The following LCMT2 variants were observed in gnomAD, a reference collection of about 807,000 sequenced individuals.
The protein encoded by LCMT2 is leucine carboxyl methyltransferase 2.
LCMT2 carries 34 observed loss-of-function variants against 42.0 expected under a neutral mutation model. The ratio of observed to expected loss-of-function variants is 0.81; its 90% confidence interval spans 0.62 to 1.08. The LOEUF (loss-of-function observed/expected upper bound fraction) is 1.08, where lower values mean the gene tolerates loss of function less well. Among genes scored for constraint, LCMT2 ranks in the 50% least tolerant of loss-of-function variants. The pLI, the probability that LCMT2 is intolerant of heterozygous loss-of-function variation, is 0.00. For missense variants in LCMT2, 1,091 were observed against 889.4 expected (o/e 1.23, Z -2.88); for synonymous variants, 445 against 369.5 (o/e 1.20, Z -2.34).
Position 43,330,253 on chromosome 15 carries a change from G to A in LCMT2, c.237C>T (p.Ala79=), listed in dbSNP as rs1236357163. The A allele has an allele frequency of 1.9e-6, 3 of 1,603,994 alleles. No individual in the cohort carries two copies. Among genetic ancestry groups the A allele is most frequent in the South Asian group, 2.2e-5 (2 of 90,422 alleles). The change falls in exon 1 of 1, where the codon GCC becomes GCT. Residue 79 remains alanine, a synonymous_variant. Coordinates refer to ENST00000305641, the MANE Select transcript of LCMT2 (RefSeq NM_014793.5). ...AFLEQIGAPQ[A]ALRAQILSLG... ...GAGACAAGATCTGCGCGCGAAGCGCGGCCTGGGGCGCGCCAATCTGCTCCA... is the reference window on the plus strand; with the variant it reads ...GAGACAAGATCTGCGCGCGAAGCGCAGCCTGGGGCGCGCCAATCTGCTCCA...
In LCMT2 at chr15:43,328,967, A is replaced by G; in HGVS notation, c.1523T>C (p.Leu508Pro). 1.9e-6 allele frequency: 3 copies of G among 1,613,276 alleles called. No individual in the cohort carries two copies. Among genetic ancestry groups the G allele is most frequent in the Non-Finnish European group, 2.5e-6 (3 of 1,179,192 alleles). The change falls in exon 1 of 1, where the codon CTA becomes CCA. Residue 508 changes from leucine to proline, a missense_variant. Leu to Pro is a moderately conservative substitution (Grantham distance 98). Coordinates refer to ENST00000305641, the MANE Select transcript of LCMT2 (RefSeq NM_014793.5). ...TACATGGAGGAAATGCCAGTCACTT[A>G]GTACAGGTTCCACCACGCTTCGACC... Reference protein sequence around the residue: ...YGGRSVVEPVLSDWHFLHVGT... With the variant: ...YGGRSVVEPVPSDWHFLHVGT...
Position 43,329,793 on chromosome 15 carries a change from G to A in LCMT2, c.697C>T (p.Gln233Ter). 2 of 1,613,898 alleles carry A rather than the reference G, an allele frequency of 1.2e-6. No individual in the cohort carries two copies. Among genetic ancestry groups the A allele is most frequent in the East Asian group, 2.2e-5 (1 of 44,878 alleles). ...PQDAFGQFMLQHFRQLNSPLH... is the reference protein window; with the variant it reads ...PQDAFGQFML ...GGGGAGTTTAGCTGCCGAAAATGTT[G>A]CAGCATGAACTGGCCAAAGGCGTCT... The change falls in exon 1 of 1, where the codon CAA becomes TAA. Residue 233 changes from glutamine (Q) to a stop codon, truncating the protein, a stop_gained. Coordinates refer to ENST00000305641, the MANE Select transcript of LCMT2 (RefSeq NM_014793.5). LOFTEE classifies it high-confidence loss of function.
rs1045189749 is a variant in LCMT2 at position 43,329,889 on chromosome 15, C to A, written c.601G>T (p.Ala201Ser). ...CGCTGGGCTGCCCAGGCGATGAGGG[C>A]CGCGGCACTCTCCGGCTCGAGGTAG... The part of the protein sequence containing the change: ...LTYLEPESAA[A>S]LIAWAAQRFP... Residue 201 changes from alanine (A) to serine (S), a missense_variant, in exon 1 of 1, where the codon GCC becomes TCC. Transcript: ENST00000305641. 6.2e-7 allele frequency: 1 copy of A among 1,613,302 alleles called. No homozygotes were observed. The highest frequency in any genetic ancestry group is 8.5e-7 in the Non-Finnish European group (1 of 1,179,874).
chr15:43,329,763 G>C lies in LCMT2; in HGVS notation c.727C>G (p.His243Asp). The C allele has an allele frequency of 6.2e-7, 1 of 1,613,712 alleles. No homozygotes were observed. Among genetic ancestry groups the C allele is most frequent in the African/African-American group, 1.3e-5 (1 of 75,066 alleles). Residue 243 changes from histidine to aspartate, a missense_variant, in exon 1 of 1, where the codon CAT becomes GAT. Transcript: ENST00000305641. ...QHFRQLNSPL[H>D]GLERFPDVEA... ...ACGTCAGGAAAACGCTCCAGGCCAT[G>C]CAGGGGGGAGTTTAGCTGCCGAAAA...
rs375055643 is a variant in LCMT2, at chr15:43,328,557, T to A, written c.1933A>T (p.Ser645Cys). 3.3e-5 allele frequency: 54 copies of A among 1,614,090 alleles called. No homozygotes were observed. The highest frequency in any genetic ancestry group is 4.6e-5 in the Non-Finnish European group (54 of 1,180,048). Residue 645 changes from serine (S) to cysteine (C), a missense_variant, in exon 1 of 1, where the codon AGT becomes TGT. Ser to Cys is a moderately radical substitution (Grantham distance 112). Transcript: ENST00000305641. The stretch of plus-strand genomic sequence containing the variant: ...TGTTGCTCTTCAGGAAGAAGGATAC[T>A]AGTATGGTTGTGTAACATTAATGGC... ...PWPLMLHNHT[S>C]ILLPEEQQLL... is the part of the protein sequence containing the mutation.
chr15:43,330,245 C>A lies in LCMT2; in HGVS notation c.245G>T (p.Arg82Leu). The A allele has an allele frequency of 6.2e-7, 1 of 1,605,920 alleles. No individual in the cohort carries two copies. Among genetic ancestry groups the A allele is most frequent in the Non-Finnish European group, 8.5e-7 (1 of 1,178,638 alleles). Residue 82 changes from arginine to leucine, a missense_variant, in exon 1 of 1, where the codon CGC becomes CTC. Transcript: ENST00000305641. ...AGCGCCGAGAGACAAGATCTGCGCG[C>A]GAAGCGCGGCCTGGGGCGCGCCAAT... ...EQIGAPQAAL[R>L]AQILSLGAGF...
rs1278596416 is a variant in LCMT2, at chr15:43,324,077, C to T, written c.*4352G>A. ...TACTTACATGTGGGATGACAGAATT[C>T]TTGTTTACTCATAATTATTGACATC... On this transcript the variant is annotated 3_prime_UTR_variant, in exon 1 of 1. Coordinates refer to ENST00000305641, the MANE Select transcript of LCMT2 (RefSeq NM_014793.5). 1 of 152,084 alleles carries T rather than the reference C, an allele frequency of 6.6e-6. No individual in the cohort carries two copies. The highest frequency in any genetic ancestry group is 6.6e-5 in the Admixed American group (1 of 15,264). The allele number at this position is 152,084 out of a possible 1,614,324, so 9.4% of individuals were successfully genotyped here. A position where few individuals can be genotyped will look rare whatever the true frequency, so the allele number is the denominator to read the frequency against.
Position 43,330,238 on chromosome 15 carries a change from C to T in LCMT2, c.252G>A (p.Gln84=), listed in dbSNP as rs758903020. 1 of 1,607,136 alleles carries T rather than the reference C, an allele frequency of 6.2e-7. No homozygotes were observed. The highest frequency in any genetic ancestry group is 1.1e-5 in the South Asian group (1 of 90,716). The change falls in exon 1 of 1, where the codon CAG becomes CAA. Residue 84 remains glutamine (Q), a synonymous_variant. Transcript: ENST00000305641. The stretch of plus-strand genomic sequence containing the variant: ...CGAAGCCAGCGCCGAGAGACAAGAT[C>T]TGCGCGCGAAGCGCGGCCTGGGGCG... ...IGAPQAALRA[Q]ILSLGAGFDS... is the part of the protein sequence containing the mutation.
In LCMT2 at chr15:43,329,314, G is replaced by C. The variant is rs751121071; in HGVS notation, c.1176C>G (p.Leu392=). 4 of 1,614,092 alleles carry C rather than the reference G, an allele frequency of 2.5e-6. No individual in the cohort carries two copies. The highest frequency in any genetic ancestry group is 3.3e-4 in the Middle Eastern group (2 of 6,062). The change falls in exon 1 of 1, where the codon CTC becomes CTG. Residue 392 remains leucine, a synonymous_variant. Coordinates refer to ENST00000305641, the MANE Select transcript of LCMT2 (RefSeq NM_014793.5). The part of the protein sequence containing the change: ...RHCRVSQFHL[L]SRDCDSEWKG... The stretch of plus-strand genomic sequence containing the variant: ...TCCATTCAGAGTCACAATCTCTTGA[G>C]AGCAAGTGAAACTGGCTCACTCGGC...
In LCMT2 at chr15:43,325,812, C is replaced by A. The variant is rs2043114821; in HGVS notation, c.*2617G>T. 6.6e-6 allele frequency: 1 copy of A among 152,022 alleles called. No homozygotes were observed. Among genetic ancestry groups the A allele is most frequent in the South Asian group, 2.1e-4 (1 of 4,818 alleles). The allele number at this position is 152,022 out of a possible 1,614,324, so 9.4% of individuals were successfully genotyped here. A position where few individuals can be genotyped will look rare whatever the true frequency, so the allele number is the denominator to read the frequency against. On this transcript the variant is annotated 3_prime_UTR_variant, in exon 1 of 1. Transcript: ENST00000305641. Reference sequence around the variant, plus strand: ...TTGGAGTTAGATCTAGGTTTGAATTCTGGTACACTCTACTACATAGCTGAG... The same window carrying A: ...TTGGAGTTAGATCTAGGTTTGAATTATGGTACACTCTACTACATAGCTGAG...
Position 43,329,552 on chromosome 15 carries a change from C to T in LCMT2, c.938G>A (p.Arg313Lys), listed in dbSNP as rs775293775. The T allele has an allele frequency of 1.9e-6, 3 of 1,614,008 alleles. No homozygotes were observed. In the African/African-American group the frequency reaches 4.0e-5, roughly 22 times the overall value. The stretch of plus-strand genomic sequence containing the variant: ...TAGGGTGTGGGAGAGGGTGTCTCCC[C>T]TAGAAGCTGCCAGAATGAAATAATG... ...CAHYFILAAS[R>K]GDTLSHTLVF... Residue 313 changes from arginine to lysine, a missense_variant, in exon 1 of 1, where the codon AGG becomes AAG. Physicochemically the swap from Arg to Lys is conservative, Grantham distance 26. Transcript: ENST00000305641.
Position 43,328,801 on chromosome 15 carries a change from G to A in LCMT2, c.1689C>T (p.Leu563=). ...GASEEPLNSV[L]FLRPISCGFL... ...ATCCACAAGAGATTGGTCTCAGAAAGAGCACAGAGTTCAATGGCTCCTCAG... is the reference window on the plus strand; with the variant it reads ...ATCCACAAGAGATTGGTCTCAGAAAAAGCACAGAGTTCAATGGCTCCTCAG... Residue 563 remains leucine (L), a synonymous_variant, in exon 1 of 1, where the codon CTC becomes CTT. Coordinates refer to ENST00000305641, the MANE Select transcript of LCMT2 (RefSeq NM_014793.5). 4 of 1,613,510 alleles carry A rather than the reference G, an allele frequency of 2.5e-6. No homozygotes were observed. The highest frequency in any genetic ancestry group is 3.4e-6 in the Non-Finnish European group (4 of 1,180,026).
rs767560537 is a variant in LCMT2, at chr15:43,330,525, G to T, written c.-36C>A. Reference sequence around the variant, plus strand: ...GACTCAGGAATGGCAGTCTGTCACGGTTGTGAGCCGCCCCTTGGTTAGCAC... The same window carrying T: ...GACTCAGGAATGGCAGTCTGTCACGTTTGTGAGCCGCCCCTTGGTTAGCAC... On this transcript the variant is annotated 5_prime_UTR_variant, in exon 1 of 1. Transcript: ENST00000305641. 14 of 1,508,258 alleles carry T rather than the reference G, an allele frequency of 9.3e-6. No homozygotes were observed. The highest frequency in any genetic ancestry group is 2.1e-4 in the Middle Eastern group (1 of 4,768). The allele number at this position is 1,508,258 out of a possible 1,614,324, so 93.4% of individuals were successfully genotyped here. A position where few individuals can be genotyped will look rare whatever the true frequency, so the allele number is the denominator to read the frequency against.
chr15:43,329,045 T>C lies in LCMT2; in HGVS notation c.1445A>G (p.His482Arg), dbSNP rs373315625. 2.0e-5 allele frequency: 32 copies of C among 1,614,092 alleles called. No homozygotes were observed. Among genetic ancestry groups the C allele is most frequent in the Middle Eastern group, 1.6e-4 (1 of 6,084 alleles). ...CTGACAGGACACTTCTGTTGTTGAA[T>C]GCCGCCAACAACACAAAGTGGAATC... ...KDDSTLCCWR[H>R]STTEVSCQNQ... The change falls in exon 1 of 1, where the codon CAT becomes CGT. Residue 482 changes from histidine (H) to arginine (R), a missense_variant. By Grantham distance (29) the His-to-Arg change is conservative. Transcript: ENST00000305641.
rs1033071399 is a variant in LCMT2 at position 43,325,171 on chromosome 15, A to G, written c.*3258T>C. ...ACCCAGAGTGGAGATTCAAAATAAGAAATTACTTTCCTTCCTTAAGTAGTT... is the reference window on the plus strand; with the variant it reads ...ACCCAGAGTGGAGATTCAAAATAAGGAATTACTTTCCTTCCTTAAGTAGTT... On this transcript the variant is annotated 3_prime_UTR_variant, in exon 1 of 1. Coordinates refer to ENST00000305641, the MANE Select transcript of LCMT2 (RefSeq NM_014793.5). 2 of 152,230 alleles carry G rather than the reference A, an allele frequency of 1.3e-5. No homozygotes were observed. The highest frequency in any genetic ancestry group is 4.8e-5 in the African/African-American group (2 of 41,460). The allele number at this position is 152,230 out of a possible 1,614,324, so 9.4% of individuals were successfully genotyped here.
Position 43,329,125 on chromosome 15 carries a change from C to T in LCMT2, c.1365G>A (p.Glu455=), listed in dbSNP as rs1300529052. The T allele has an allele frequency of 6.2e-7, 1 of 1,614,070 alleles. No individual in the cohort carries two copies. Among genetic ancestry groups the T allele is most frequent in the South Asian group, 1.1e-5 (1 of 91,076 alleles). ...CTTTCAGGTCCTCAGTGTTATTATCCTCACTCTTAAAAAAATGAAGCTGGA... is the reference window on the plus strand; with the variant it reads ...CTTTCAGGTCCTCAGTGTTATTATCTTCACTCTTAAAAAAATGAAGCTGGA... The part of the protein sequence containing the change: ...GVLQLHFFKS[E]DNNTEDLKVT... Residue 455 remains glutamate (E), a synonymous_variant, in exon 1 of 1, where the codon GAG becomes GAA. Coordinates refer to ENST00000305641, the MANE Select transcript of LCMT2 (RefSeq NM_014793.5).
Position 43,328,451 on chromosome 15 carries a change from G to A in LCMT2, c.2039C>T (p.Ser680Phe), listed in dbSNP as rs2043130957. The change falls in exon 1 of 1, where the codon TCT becomes TTT. Residue 680 changes from serine (S) to phenylalanine (F), a missense_variant. Ser to Phe is a radical substitution (Grantham distance 155). Transcript: ENST00000305641. ...FNPHTVTLDL[S>F]SLSAGQ ...TCCTTACTGCCCAGCACTTAAGGAA[G>A]AAAGGTCTAATGTGACTGTATGGGG... 1 of 1,613,834 alleles carries A rather than the reference G, an allele frequency of 6.2e-7. No homozygotes were observed. The highest frequency in any genetic ancestry group is 2.2e-5 in the East Asian group (1 of 44,900).
chr15:43,329,587 C>A lies in LCMT2; in HGVS notation c.903G>T (p.Leu301=). ...CCAGAATGAAATAATGGGCGCACTT[C>A]AGATGCCACTCCTCAAATTCGTCAA... ...EPFDEFEEWH[L]KCAHYFILAA... is the part of the protein sequence containing the mutation. The change falls in exon 1 of 1, where the codon CTG becomes CTT. Residue 301 remains leucine (L), a synonymous_variant. Coordinates refer to ENST00000305641, the MANE Select transcript of LCMT2 (RefSeq NM_014793.5). 2 of 1,614,204 alleles carry A rather than the reference C, an allele frequency of 1.2e-6. No individual in the cohort carries two copies. Among genetic ancestry groups the A allele is most frequent in the Non-Finnish European group, 1.7e-6 (2 of 1,180,020 alleles).
At position 43,330,225 on chromosome 15, in the gene LCMT2, C is replaced by T. The variant is rs1242826491; in HGVS notation, c.265G>A (p.Gly89Ser). The change falls in exon 1 of 1, where the codon GGC (glycine) becomes AGC (serine). Residue 89 changes from glycine (G) to serine (S), a missense_variant. Coordinates refer to ENST00000305641, the MANE Select transcript of LCMT2 (RefSeq NM_014793.5). ...AAATAGAGCGAGTCGAAGCCAGCGC[C>T]GAGAGACAAGATCTGCGCGCGAAGC... Reference protein sequence around the residue: ...AALRAQILSLGAGFDSLYFRL... With the variant: ...AALRAQILSLSAGFDSLYFRL... 1 of 1,610,768 alleles carries T rather than the reference C, an allele frequency of 6.2e-7. No homozygotes were observed. Among genetic ancestry groups the T allele is most frequent in the South Asian group, 1.1e-5 (1 of 91,046 alleles).
Sources: gnomAD v4.1 joint callset for allele counts on GRCh38, gnomAD v4.1.1 for gene constraint, MANE v1.5 for transcripts, NCBI Gene and HGNC (gene_info 2026-07-23, HGNC 2026-07-21) for gene names.